DMD: variants seen among roughly 807,000 people sequenced by gnomAD.
DMD encodes dystrophin, also known as mutant dystrophin.
DMD carries 63 observed loss-of-function variants against 330.1 expected under a neutral mutation model. The observed-to-expected ratio is 0.19, with a 90% CI of 0.16 to 0.24. DMD has a LOEUF of 0.24. Ranked by LOEUF, DMD falls within the 10% of genes least tolerant of loss-of-function variation. DMD has a pLI of 1.00. For missense variants in DMD, 3,344 were observed against 2,684.1 expected (o/e 1.25, Z -5.43); for synonymous variants, 1,223 against 959.8 (o/e 1.27, Z -5.07).
chrX:31,421,914 C>T lies in DMD; in HGVS notation c.9084+22567G>A, dbSNP rs866648333. On this transcript the variant is annotated intron_variant, in intron 60 of 78. Transcript: ENST00000357033. ...ATATATATATATACACACACACACACATATATATATATATATATACACACA... is the reference window on the plus strand; with the variant it reads ...ATATATATATATACACACACACACATATATATATATATATATATACACACA... Among the ~76,000 whole-genome samples, 73 of 64,075 alleles carry T rather than the reference C, an allele frequency of 1.1e-3. 2 individuals are homozygous for T. Among genetic ancestry groups the T allele is most frequent in the African/African-American group, 6.0e-3 (62 of 10,262 alleles). The allele number at this position is 64,075 out of a possible 115,157, so 55.6% of individuals were successfully genotyped here. A position where few individuals can be genotyped will look rare whatever the true frequency, so the allele number is the denominator to read the frequency against.
At chrX:31,543,599 G>C (rs972905254) in intron 55 of DMD, among the ~76,000 whole-genome samples, 2 of 112,434 alleles carry the variant, frequency 1.8e-5, no homozygotes, top group African/African-American at 3.2e-5. Context: ...TTTTGTTTAA[G>C]TCATTTTAAT....
At chrX:32,794,808 A>C (rs1006661596) in intron 7 of DMD, among the ~76,000 whole-genome samples, 1 of 111,743 alleles carries the variant, frequency 8.9e-6, no homozygotes, top group African/African-American at 3.3e-5. Flanking sequence ...CTGATAAATA[A>C]ATTTAGTAAA....
At chrX:32,470,989 G>A (rs2040571594) in intron 22 of DMD, among the ~76,000 whole-genome samples, 1 of 111,596 alleles carries the variant, frequency 9.0e-6, no homozygotes, top group Non-Finnish European at 1.9e-5. Flanking sequence ...TAATAAGTAG[G>A]AAAAGGGCTG....
chrX:32,305,303 ATC>A (rs749184202), intron 42 of DMD, among the ~76,000 whole-genome samples: 3 of 111,198 alleles, frequency 2.7e-5, no homozygotes, highest in Non-Finnish European at 5.7e-5. Flanking sequence ...TGTATTAAAA[ATC>A]TCTGTTGCCA....
chrX:31,798,693 G>T (rs1302448099), intron 50 of DMD, among the ~76,000 whole-genome samples: 2 of 111,374 alleles, frequency 1.8e-5, no homozygotes, highest in Non-Finnish European at 3.8e-5. Context: ...CACAGGCAAT[G>T]GCCTCATGGA....
At chrX:32,180,674 A>G (rs923456678) in intron 44 of DMD, among the ~76,000 whole-genome samples, 4 of 111,488 alleles carry the variant, frequency 3.6e-5, no homozygotes, top group African/African-American at 1.3e-4. Flanking sequence ...TAATTGACAC[A>G]CAGTTCAGCA....
At chrX:32,690,032 C>T (rs116688509) in intron 9 of DMD, among the ~76,000 whole-genome samples, 10,841 of 108,111 alleles carry the variant, frequency 0.1, 1,318 homozygotes, top group African/African-American at 0.33. Context: ...CCACTTCTAC[C>T]GATGGCAATA....
intron 78 of DMD, among the ~76,000 whole-genome samples, chrX:31,126,243 G>A (rs1005519758): frequency 5.4e-5 from 6 of 111,864 alleles, no homozygotes; most frequent in African/African-American, 1.9e-4. Context: ...AACTAAGGGC[G>A]CTGGCAGAAA....
At chrX:32,179,662 C>T (rs1463670987) in intron 44 of DMD, among the ~76,000 whole-genome samples, 3 of 111,981 alleles carry the variant, frequency 2.7e-5, no homozygotes, top group Non-Finnish European at 5.6e-5. Flanking sequence ...GTGTCCCCAT[C>T]CAAATCTCAT....
Position 31,714,134 on chromosome X carries a change from G to A in DMD, c.7660+15497C>T, listed in dbSNP as rs192774831. ...AATTTGCTGCCATAAGCTTGAAGGTGAAAATTTATTTAGGAAGCATTTGAT... is the reference window on the plus strand; with the variant it reads ...AATTTGCTGCCATAAGCTTGAAGGTAAAAATTTATTTAGGAAGCATTTGAT... On this transcript the variant is annotated intron_variant, in intron 52 of 78. Transcript: ENST00000357033. 4.7e-3 allele frequency among the ~76,000 whole-genome samples: 530 copies of A among 111,580 alleles called. 1 individual carries two copies. The highest frequency in any genetic ancestry group is 0.014 in the Middle Eastern group (3 of 217).
chrX:31,851,817 A>T (rs2093531790), intron 48 of DMD, among the ~76,000 whole-genome samples: 1 of 111,635 alleles, frequency 9.0e-6, no homozygotes, highest in Non-Finnish European at 1.9e-5. Flanking sequence ...GTATGGGGCA[A>T]AGGGAGGTGG....
chrX:31,814,018 G>A (rs999975497), intron 50 of DMD, among the ~76,000 whole-genome samples: 4 of 110,462 alleles, frequency 3.6e-5, no homozygotes, highest in African/African-American at 1.3e-4. Flanking sequence ...ATCTAGTATC[G>A]GTCCTTTGCA....
chrX:33,228,700 T>A (rs2148879854), intron 1 of DMD, among the ~76,000 whole-genome samples: 1 of 108,308 alleles, frequency 9.2e-6, no homozygotes, highest in South Asian at 3.8e-4. Context: ...TTTAAAAAAA[T>A]TTTTCTTCAG....
intron 1 of DMD, among the ~76,000 whole-genome samples, chrX:33,225,470 T>C (rs2052268638): frequency 9.0e-6 from 1 of 111,121 alleles, no homozygotes; most frequent in Non-Finnish European, 1.9e-5. Context: ...AGATAGTCTT[T>C]TCAACACATG....
At chrX:31,436,721 CCTT>C (rs2064557587) in intron 60 of DMD, among the ~76,000 whole-genome samples, 1 of 111,832 alleles carries the variant, frequency 8.9e-6, no homozygotes, top group South Asian at 3.7e-4. Flanking sequence ...TTTATACTCT[CCTT>C]CTTCAATTCT....
intron 2 of DMD, among the ~76,000 whole-genome samples, chrX:32,909,952 C>G (rs2087073366): frequency 1.8e-5 from 2 of 111,997 alleles, no homozygotes; most frequent in Admixed American, 9.5e-5. Context: ...TTACAACACT[C>G]AGTTGTAGAC....
intron 7 of DMD, among the ~76,000 whole-genome samples, chrX:32,720,997 C>T (rs1385915721): frequency 9.0e-6 from 1 of 111,023 alleles, no homozygotes; most frequent in Non-Finnish European, 1.9e-5. Context: ...GCTTATTTCA[C>T]TTAGTGTAAT....
chrX:32,650,604 T>C (rs2060086231), intron 9 of DMD, among the ~76,000 whole-genome samples: 1 of 112,200 alleles, frequency 8.9e-6, no homozygotes, highest in East Asian at 2.8e-4. Context: ...CAAGGTACTA[T>C]TCAAAGCATA....
At chrX:31,500,063 A>G (rs2147106086) in intron 56 of DMD, among the ~76,000 whole-genome samples, 1 of 112,014 alleles carries the variant, frequency 8.9e-6, no homozygotes, top group East Asian at 2.8e-4. Context: ...AAAGCTCAAG[A>G]GTGAAAGGAA....
Sources: allele counts gnomAD v4.1 joint callset (sites outside exome capture counted in the v4.1 genomes callset), GRCh38; gene constraint gnomAD v4.1.1; transcripts MANE v1.5; gene names NCBI Gene and HGNC (gene_info 2026-07-23, HGNC 2026-07-21).